The following CACNA1E variants were observed in gnomAD, a reference collection of about 807,000 sequenced individuals.
The protein encoded by CACNA1E is calcium voltage-gated channel subunit alpha1 E.
Under a neutral mutation model 259.2 loss-of-function variants are expected in CACNA1E, and 40 were observed. The observed-to-expected ratio is 0.15, with a 90% CI of 0.12 to 0.20. CACNA1E has a LOEUF of 0.20. Ranked by LOEUF, CACNA1E falls within the 10% of genes least tolerant of loss-of-function variation. The pLI, the probability that CACNA1E is intolerant of heterozygous loss-of-function variation, is 1.00. For missense variants in CACNA1E, 1,874 were observed against 3,040.1 expected (o/e 0.62, Z 9.02); for synonymous variants, 1,104 against 1,138.5 (o/e 0.97, Z 0.61).
intron 25 of CACNA1E, among the ~76,000 whole-genome samples, chr1:181,742,729 C>G (rs555826113): frequency 3.3e-5 from 5 of 152,164 alleles, no homozygotes; most frequent in Non-Finnish European, 7.3e-5. Context: ...GTGGTGTCCC[C>G]TGAGCCCTCC....
intron 2 of CACNA1E, among the ~76,000 whole-genome samples, chr1:181,423,476 T>C (rs1292532736): frequency 6.6e-6 from 1 of 152,168 alleles, no homozygotes; most frequent in Non-Finnish European, 1.5e-5. Flanking sequence ...GAGGAACCAG[T>C]CCTGCAAGTC....
chr1:181,661,688 T>G (rs1647697019), intron 7 of CACNA1E, among the ~76,000 whole-genome samples: 1 of 152,212 alleles, frequency 6.6e-6, no homozygotes, highest in African/African-American at 2.4e-5. Flanking sequence ...TTTTTGAGAC[T>G]GTGCTACCCA....
chr1:181,675,567 C>T (rs1649287610), intron 7 of CACNA1E, among the ~76,000 whole-genome samples: 1 of 152,106 alleles, frequency 6.6e-6, no homozygotes, highest in African/African-American at 2.4e-5. Flanking sequence ...ATTCTAGTTG[C>T]CATGACAACA....
rs1456755539 is a variant in CACNA1E, at chr1:181,794,844, C to G, written c.6028-20C>G. ...TCGTTAATCCATACCTTGTGTTTCT[C>G]TGGGGGCTTGTATTTCCAGGTGGTG... On this transcript the variant is annotated intron_variant, in intron 45 of 47. Coordinates refer to ENST00000367573, the MANE Select transcript of CACNA1E (RefSeq NM_001205293.3). 2 of 1,599,606 alleles carry G rather than the reference C, an allele frequency of 1.3e-6. No homozygotes were observed. Among genetic ancestry groups the G allele is most frequent in the Admixed American group, 1.7e-5 (1 of 58,692 alleles).
intron 22 of CACNA1E, among the ~76,000 whole-genome samples, chr1:181,736,978 C>A (rs767385946): frequency 1.1e-4 from 16 of 152,142 alleles, no homozygotes; most frequent in African/African-American, 3.9e-4. Flanking sequence ...TTGGGAAGAG[C>A]GTTCCAGCAG....
chr1:181,339,719 A>G (rs537756215), intron 1 of CACNA1E, among the ~76,000 whole-genome samples: 1 of 152,180 alleles, frequency 6.6e-6, no homozygotes, highest in African/African-American at 2.4e-5. Context: ...TTCAATATGC[A>G]TTTCTCTTAT....
chr1:181,321,285 C>T (rs552006653), intron 1 of CACNA1E, among the ~76,000 whole-genome samples: 1 of 152,266 alleles, frequency 6.6e-6, no homozygotes, highest in Admixed American at 6.5e-5. Context: ...GTGTGTCTTC[C>T]ACTTTTTGCC....
chr1:181,409,425 C>T (rs1048356135), intron 1 of CACNA1E, among the ~76,000 whole-genome samples: 3 of 152,186 alleles, frequency 2.0e-5, no homozygotes, highest in African/African-American at 7.2e-5. Flanking sequence ...CCAGGAAGTA[C>T]ATCCTACTGT....
rs192876936 is a variant in CACNA1E, at chr1:181,415,978, A to G, written c.434+2398A>G. ...TTTGAGAAGAGAAGCTTTTTATTGC[A>G]TGTCAATTCACAAAGAGACGGGATG... On this transcript the variant is annotated intron_variant, in intron 2 of 11. Coordinates refer to the CACNA1E transcript ENST00000524607. Among the ~76,000 whole-genome samples the G allele has an allele frequency of 3.2e-3, 489 of 152,336 alleles. 3 individuals are homozygous for G. Among genetic ancestry groups the G allele is most frequent in the Middle Eastern group, 0.017 (5 of 294 alleles).
chr1:181,561,165 T>C (rs1649286500), intron 3 of CACNA1E, among the ~76,000 whole-genome samples: 1 of 152,168 alleles, frequency 6.6e-6, no homozygotes, highest in Non-Finnish European at 1.5e-5. Context: ...GTAGTGATGG[T>C]TGTACAACAA....
chr1:181,331,656 C>T (rs1225694579), intron 1 of CACNA1E, among the ~76,000 whole-genome samples: 2 of 152,204 alleles, frequency 1.3e-5, no homozygotes, highest in Admixed American at 1.3e-4. Flanking sequence ...TTTACCAGTT[C>T]TCTAGGTATT....
intron 37 of CACNA1E, among the ~76,000 whole-genome samples, chr1:181,772,873 T>C (rs1250928174): frequency 6.6e-6 from 1 of 152,162 alleles, no homozygotes; most frequent in African/African-American, 2.4e-5. Context: ...ACCTATAAAG[T>C]GGTGGGAAGC....
intron 3 of CACNA1E, among the ~76,000 whole-genome samples, chr1:181,534,547 G>T (rs956438088): frequency 4.6e-5 from 7 of 151,970 alleles, no homozygotes; most frequent in Non-Finnish European, 1.0e-4. Flanking sequence ...CTATGTATTG[G>T]GTACAGTATA....
upstream of CACNA1E, among the ~76,000 whole-genome samples, chr1:181,478,754 C>T (rs985040533): frequency 6.6e-6 from 1 of 152,194 alleles, no homozygotes. Context: ...GAAGATGGCC[C>T]AAGGCCTGAC....
At chr1:181,383,188 A>G (rs1448846479) in intron 1 of CACNA1E, among the ~76,000 whole-genome samples, 2 of 152,168 alleles carry the variant, frequency 1.3e-5, no homozygotes, top group East Asian at 3.8e-4. Context: ...ATCTCAGCCC[A>G]ATTGTTATAC....
chr1:181,336,779 A>G (rs914010709), intron 1 of CACNA1E, among the ~76,000 whole-genome samples: 2 of 152,132 alleles, frequency 1.3e-5, no homozygotes, highest in African/African-American at 4.8e-5. Flanking sequence ...GTCTCTCTGA[A>G]TTTGACTACT....
Position 181,651,542 on chromosome 1 carries a change from A to G in CACNA1E, c.1055+101A>G, listed in dbSNP as rs1030485258. On this transcript the variant is annotated intron_variant, in intron 7 of 47. Coordinates refer to ENST00000367573, the MANE Select transcript of CACNA1E (RefSeq NM_001205293.3). ...AGATTCATTCATTTAACCTTCATTT[A>G]GAAGACACTTACCTAGCAGTTCCTC... The G allele has an allele frequency of 2.0e-5, 16 of 814,156 alleles. No individual in the cohort carries two copies. The African/African-American group carries it at 2.7e-4, about 14-fold the overall frequency. The allele number at this position is 814,156 out of a possible 1,614,324, so 50.4% of individuals were successfully genotyped here.
chr1:181,359,099 A>G (rs534217131), intron 1 of CACNA1E, among the ~76,000 whole-genome samples: 1 of 152,320 alleles, frequency 6.6e-6, no homozygotes, highest in East Asian at 1.9e-4. Flanking sequence ...CCTGTTTGTA[A>G]AATAGAGGCT....
At chr1:181,360,935 T>A (rs935837588) in intron 1 of CACNA1E, among the ~76,000 whole-genome samples, 1 of 152,180 alleles carries the variant, frequency 6.6e-6, no homozygotes, top group African/African-American at 2.4e-5. Context: ...GGACCCACAG[T>A]GCTCTCAGAT....
Sources: gnomAD v4.1 joint callset for allele counts (sites outside exome capture counted in the v4.1 genomes callset) on GRCh38, gnomAD v4.1.1 for gene constraint, MANE v1.5 for transcripts, NCBI Gene and HGNC (gene_info 2026-07-23, HGNC 2026-07-21) for gene names.